Variants in FANCI observed in about 807,000 individuals in gnomAD.
The protein encoded by FANCI is FA complementation group I, also known as Fanconi anemia group I protein.
A neutral mutation model predicts 176.1 loss-of-function variants in FANCI; 156 were observed. That is an observed-to-expected ratio of 0.89 (90% confidence interval 0.78 to 1.01). The LOEUF (loss-of-function observed/expected upper bound fraction) is 1.01, where lower values mean the gene tolerates loss of function less well. Ranked by LOEUF, FANCI falls within the 50% of genes least tolerant of loss-of-function variation. FANCI has a pLI of 0.00. For synonymous variants in FANCI, 613 were observed against 541.7 expected, an observed-to-expected ratio of 1.13 and a Z score of -1.83; for missense variants, 1,678 against 1,534.1, an observed-to-expected ratio of 1.09 and a Z score of -1.57.
At chr15:89,313,559 C>T (rs761645411) in intron 35 of FANCI, among the ~76,000 whole-genome samples, 14 of 152,068 alleles carry the variant, frequency 9.2e-5, no homozygotes, top group Admixed American at 3.9e-4. Context: ...TAAGAGTCAG[C>T]GGGGGTACAG....
At chr15:89,276,561 G>A (rs895189261) in intron 12 of FANCI, 150 bp from the exon 13 acceptor site, 5 of 801,098 alleles carry the variant, frequency 6.2e-6, no homozygotes, top group Non-Finnish European at 4.0e-6. Context: ...TCAGAATTCT[G>A]TCAGACGATG....
chr15:89,304,474 T>C lies in FANCI; in HGVS notation c.3058+559T>C, dbSNP rs145541459. On this transcript the variant is annotated intron_variant, in intron 28 of 37. Transcript: ENST00000310775. ...AAAATTAGACAAAATTTATCTGTGA[T>C]GTTAGAAGTCAGGATAGCAGTTTCC... 2.7e-3 allele frequency among the ~76,000 whole-genome samples: 412 copies of C among 152,370 alleles called. 8 individuals carry two copies. Among genetic ancestry groups the C allele is most frequent in the East Asian group, 0.015 (79 of 5,188 alleles).
chr15:89,312,445 A>G (rs1309040359), intron 34 of FANCI, among the ~76,000 whole-genome samples: 5 of 152,204 alleles, frequency 3.3e-5, no homozygotes, highest in South Asian at 2.1e-4. Flanking sequence ...TTTTTTCCCT[A>G]TCTTCTAACA....
At chr15:89,249,343 T>C (rs2052133481) in intron 2 of FANCI, among the ~76,000 whole-genome samples, 1 of 152,210 alleles carries the variant, frequency 6.6e-6, no homozygotes, top group African/African-American at 2.4e-5. Flanking sequence ...AAATACTTAA[T>C]ACAGTATTTA....
intron 19 of FANCI, among the ~76,000 whole-genome samples, chr15:89,290,760 T>A (rs2054031795): frequency 6.6e-6 from 1 of 152,166 alleles, no homozygotes; most frequent in Non-Finnish European, 1.5e-5. Flanking sequence ...ATATAGAGAC[T>A]CTCTACCAGG....
chr15:89,290,036 A>G (rs886199413), intron 18 of FANCI, among the ~76,000 whole-genome samples, 177 bp from the exon 19 acceptor site: 1 of 152,168 alleles, frequency 6.6e-6, no homozygotes, highest in Non-Finnish European at 1.5e-5. Flanking sequence ...AGACTAGGAC[A>G]TTTTGGGTGG....
In FANCI at chr15:89,305,397, C is replaced by G. The variant is rs1596324716; in HGVS notation, c.3243C>G (p.Ala1081=). The G allele has an allele frequency of 1.2e-6, 2 of 1,613,420 alleles. No individual in the cohort carries two copies. The highest frequency in any genetic ancestry group is 1.7e-6 in the Non-Finnish European group (2 of 1,180,002). The change falls in exon 30 of 38, where the codon GCC becomes GCG. Residue 1081 remains alanine (A), a synonymous_variant. Transcript: ENST00000310775. The part of the protein sequence containing the change: ...HFAIVNLRTA[A]PTVCLLVLSQ... ...CAATAGTGAATTTGAGAACGGCTGC[C>G]CCCACTGTCTGTGTAAGTGTTGTAC...
chr15:89,303,772 A>T, intron 27 of FANCI, 92 bp from the exon 28 acceptor site: 1 of 1,075,102 alleles, frequency 9.3e-7, no homozygotes, highest in Non-Finnish European at 1.4e-6. Context: ...TGATTTGCTT[A>T]GATATGGAAA....
chr15:89,316,556 GCAT>G lies in FANCI; in HGVS notation c.*99_*101del, dbSNP rs2055271846. ...TGTCCTGTAGTCCACACCGATGTTGGCATCTTGGTTCTGAACCCACTGAATTCA... is the reference window on the plus strand; with the variant it reads ...TGTCCTGTAGTCCACACCGATGTTGGCTTGGTTCTGAACCCACTGAATTCA... On this transcript the variant is annotated 3_prime_UTR_variant, in exon 38 of 38. Transcript: ENST00000310775. 7 of 1,325,290 alleles carry G rather than the reference GCAT, an allele frequency of 5.3e-6. No individual in the cohort carries two copies. The highest frequency in any genetic ancestry group is 7.5e-6 in the Non-Finnish European group (7 of 937,638). The allele number at this position is 1,325,290 out of a possible 1,614,324, so 82.1% of individuals were successfully genotyped here. A position where few individuals can be genotyped will look rare whatever the true frequency, so the allele number is the denominator to read the frequency against.
intron 10 of FANCI, among the ~76,000 whole-genome samples, chr15:89,272,229 T>G (rs11856246): frequency 0.032 from 4,939 of 152,324 alleles, 221 homozygotes; most frequent in African/African-American, 0.11. Flanking sequence ...ATGTGCTCAT[T>G]AACTGTTCTA....
intron 32 of FANCI, among the ~76,000 whole-genome samples, chr15:89,307,111 A>C (rs1418384620): frequency 2.0e-5 from 3 of 152,220 alleles, no homozygotes; most frequent in African/African-American, 7.2e-5. Context: ...TGGCTCTCTC[A>C]GAATGTGTAG....
rs779916554 is a variant in FANCI, at chr15:89,247,602, C to A, written c.-19-27C>A. ...AGTTTGTTTATTTCTGGAATCTTCACCCACCTCTGACGTTTTTCCCTTGTA... is the reference window on the plus strand; with the variant it reads ...AGTTTGTTTATTTCTGGAATCTTCAACCACCTCTGACGTTTTTCCCTTGTA... On this transcript the variant is annotated intron_variant, in intron 1 of 37. Coordinates refer to ENST00000310775, the MANE Select transcript of FANCI (RefSeq NM_001113378.2). 1.1e-5 allele frequency: 16 copies of A among 1,498,512 alleles called. No individual in the cohort carries two copies. In the Admixed American group the frequency reaches 2.3e-4, roughly 22 times the overall value. 92.8% of individuals were successfully genotyped at this position (1,498,512 alleles called of 1,614,324 possible).
At chr15:89,308,945 C>CAA (rs34633263) in intron 34 of FANCI, among the ~76,000 whole-genome samples, 127 of 137,346 alleles carry the variant, frequency 9.2e-4, no homozygotes, top group South Asian at 7.5e-3. Context: ...AACTCCGTCT[C>CAA]AAAAAAAAAA....
chr15:89,247,625 G>T lies in FANCI; in HGVS notation c.-19-4G>T, dbSNP rs753152415. ...CACCCACCTCTGACGTTTTTCCCTT[G>T]TAGTTCTGTGATATGAGCAACAATG... is the stretch of plus-strand genomic sequence containing the variant. On this transcript the variant is annotated splice_region_variant and splice_polypyrimidine_tract_variant and intron_variant, in intron 1 of 37. Transcript: ENST00000310775. 6.2e-7 allele frequency: 1 copy of T among 1,607,068 alleles called. No individual in the cohort carries two copies. The highest frequency in any genetic ancestry group is 1.3e-5 in the African/African-American group (1 of 74,772).
intron 15 of FANCI, 148 bp from the exon 16 acceptor site, chr15:89,281,617 T>C (rs1191764727): frequency 1.2e-6 from 1 of 809,240 alleles, no homozygotes; most frequent in East Asian, 2.6e-5. Flanking sequence ...AGTATACTAT[T>C]GTCCTTGTTA....
chr15:89,265,516 T>A (rs747521354), intron 9 of FANCI, among the ~76,000 whole-genome samples: 2 of 146,352 alleles, frequency 1.4e-5, no homozygotes, highest in Non-Finnish European at 3.0e-5. Flanking sequence ...CAAGGATTTT[T>A]GTTTTTTCTT....
At chr15:89,299,572 G>A (rs1185451202) in intron 24 of FANCI, among the ~76,000 whole-genome samples, 1 of 152,222 alleles carries the variant, frequency 6.6e-6, no homozygotes, top group Non-Finnish European at 1.5e-5. Flanking sequence ...CATAGGGACA[G>A]AAATTAGATC....
chr15:89,254,777 A>T (rs1027396881), intron 2 of FANCI, among the ~76,000 whole-genome samples: 3 of 152,214 alleles, frequency 2.0e-5, no homozygotes, highest in African/African-American at 7.2e-5. Context: ...GTGCCACTGC[A>T]GTCCAGCCAG....
intron 27 of FANCI, 96 bp downstream of exon 27, chr15:89,301,538 G>T: frequency 1.1e-6 from 1 of 893,170 alleles, no homozygotes. Context: ...TCTTGAAATT[G>T]AGCTTATTTT....
Sources: gnomAD v4.1 joint callset for allele counts (sites outside exome capture counted in the v4.1 genomes callset) on GRCh38, gnomAD v4.1.1 for gene constraint, MANE v1.5 for transcripts, NCBI Gene and HGNC (gene_info 2026-07-23, HGNC 2026-07-21) for gene names.